Variants in ZAN observed in about 807,000 individuals in gnomAD.
The protein encoded by ZAN is zonadhesin (gene/pseudogene).
In ZAN, 260 loss-of-function variants were observed where a neutral mutation model predicts 286.2. That is an observed-to-expected ratio of 0.91 (90% CI 0.82 to 1.01). The LOEUF (loss-of-function observed/expected upper bound fraction) is 1.01. Among genes scored for constraint, ZAN ranks in the 50% least tolerant of loss-of-function variants. The pLI, the probability that ZAN is intolerant of heterozygous loss-of-function variation, is 0.00. For synonymous variants in ZAN, 1,368 were observed against 1,417.5 expected (o/e 0.97, Z 0.79); for missense variants, 3,410 against 3,639.2 (o/e 0.94, Z 1.62).
intron 28 of ZAN, among the ~76,000 whole-genome samples, chr7:100,771,518 G>A (rs1355892271): frequency 6.7e-6 from 1 of 149,400 alleles, no homozygotes; most frequent in African/African-American, 2.5e-5. Context: ...TGCCACCTTT[G>A]CCTCCTGGGT....
intron 41 of ZAN, 90 bp downstream of exon 41, chr7:100,792,238 T>C: frequency 6.7e-7 from 1 of 1,497,056 alleles, no homozygotes; most frequent in Non-Finnish European, 8.9e-7. Context: ...TGACCCAAGC[T>C]CTGTGTGGTT....
chr7:100,787,746 G>C, intron 37 of ZAN, 143 bp from the exon 38 acceptor site: 1 of 877,804 alleles, frequency 1.1e-6, no homozygotes, highest in Admixed American at 4.0e-5. Flanking sequence ...ATTTTTAGTA[G>C]AGACAGGGTT....
At chr7:100,754,474 A>AAAAT (rs943277829) in intron 14 of ZAN, among the ~76,000 whole-genome samples, 10 of 151,976 alleles carry the variant, frequency 6.6e-5, no homozygotes, top group East Asian at 1.9e-4. Context: ...ATTAAAAATA[A>AAAAT]AAATAAATAA....
rs930901556 is a variant in ZAN at position 100,734,694 on chromosome 7, C to G, written c.53+473C>G. ...TGGGATGGAAATGGGTTGACCTTGA[C>G]TGCTGAACAGGAATTAAGGGGCGGG... On this transcript the variant is annotated intron_variant, in intron 2 of 47. Transcript: ENST00000613979. Among the ~76,000 whole-genome samples the G allele has an allele frequency of 6.2e-4, 86 of 139,428 alleles. 15 individuals carry two copies. The highest frequency in any genetic ancestry group is 2.2e-3 in the African/African-American group (84 of 38,212). The allele number at this position is 139,428 out of a possible 152,430, so 91.5% of individuals were successfully genotyped here.
At chr7:100,766,835 A>G (rs1810007814) in intron 24 of ZAN, among the ~76,000 whole-genome samples, 169 bp downstream of exon 24, 2 of 152,198 alleles carry the variant, frequency 1.3e-5, no homozygotes, top group African/African-American at 4.8e-5. Context: ...TGGGGACGTC[A>G]GTGTTTCTCT....
At chr7:100,792,548 A>G (rs757310124) in intron 42 of ZAN, 69 bp downstream of exon 42, 2 of 1,602,414 alleles carry the variant, frequency 1.2e-6, no homozygotes, top group Non-Finnish European at 1.7e-6. Context: ...CTCTGCGGTG[A>G]GGTGTTGCCC....
rs183149213 is a variant in ZAN, at chr7:100,736,548, G to A, written c.172G>A (p.Ala58Thr). The A allele has an allele frequency of 4.6e-6, 7 of 1,523,582 alleles. No individual in the cohort carries two copies. The highest frequency in any genetic ancestry group is 4.6e-5 in the East Asian group (2 of 43,900). The allele number at this position is 1,523,582 out of a possible 1,614,324, so 94.4% of individuals were successfully genotyped here. A position where few individuals can be genotyped will look rare whatever the true frequency, so the allele number is the denominator to read the frequency against. Residue 58 changes from alanine (A) to threonine (T), a missense_variant, in exon 4 of 48, where the codon GCA becomes ACA. Transcript: ENST00000613979. ...KPLCDWSQVS[A>T]DDEDWVRASG... ...CCTCTGTGACTGGTCCCAAGTGTCC[G>A]CAGACGATGAAGACTGGGTTCGAGC...
intron 11 of ZAN, among the ~76,000 whole-genome samples, chr7:100,749,639 C>CA (rs762868522): frequency 0.051 from 3,372 of 66,606 alleles, 186 homozygotes; most frequent in African/African-American, 0.12. Flanking sequence ...GACTCCGTCT[C>CA]AAAAAAAAAA....
At chr7:100,766,910 G>C in intron 24 of ZAN, 100 bp from the exon 25 acceptor site, 1 of 1,555,394 alleles carries the variant, frequency 6.4e-7, no homozygotes, top group Non-Finnish European at 8.7e-7. Context: ...GGTGGGCCGT[G>C]GGGACCATGC....
Position 100,791,088 on chromosome 7 carries a change from G to C in ZAN, c.7504G>C (p.Glu2502Gln). 6.2e-7 allele frequency: 1 copy of C among 1,612,590 alleles called. No individual in the cohort carries two copies. Among genetic ancestry groups the C allele is most frequent in the Non-Finnish European group, 8.5e-7 (1 of 1,179,582 alleles). The change falls in exon 40 of 48, where the codon GAG (glutamate) becomes CAG (glutamine). Residue 2502 changes from glutamate to glutamine, a missense_variant. By Grantham distance (29) the Glu-to-Gln change is conservative. Coordinates refer to ENST00000613979, the MANE Select transcript of ZAN (RefSeq NM_003386.3). ...TFGNSWEVKT[E>Q]DALLRFPRAI... is the part of the protein sequence containing the mutation. Reference sequence around the variant, plus strand: ...TGGCAACAGCTGGGAGGTGAAGACCGAGGACGCACTCCTGCGCTTCCCCAG... The same window carrying C: ...TGGCAACAGCTGGGAGGTGAAGACCCAGGACGCACTCCTGCGCTTCCCCAG...
At chr7:100,768,805 T>TGTCCCCACTCCCTCTGTGC (rs1810191370) in intron 27 of ZAN, 84 bp downstream of exon 27, 3 of 1,124,992 alleles carry the variant, frequency 2.7e-6, no homozygotes, top group Non-Finnish European at 2.5e-6. Flanking sequence ...GTCCTCTGTG[T>TGTCCCCACTCCCTCTGTGC]GTCCCCACTC....
chr7:100,747,600 C>T lies in ZAN; in HGVS notation c.982C>T (p.Gln328Ter), dbSNP rs888737807. 40 of 1,613,804 alleles carry T rather than the reference C, an allele frequency of 2.5e-5. No homozygotes were observed. The highest frequency in any genetic ancestry group is 2.9e-5 in the Non-Finnish European group (34 of 1,179,828). ...CTCAGGACAACCTGGGCCCAACTGG[C>T]AGGCTGTTTCTGTCAATTACACAGC... ...LFSGQPGPNW[Q>*]AVSVNYTAVG... Residue 328 changes from glutamine to a stop codon, truncating the protein, a stop_gained, in exon 9 of 48, where the codon CAG (glutamine) becomes TAG (stop). Transcript: ENST00000613979. LOFTEE classifies it high-confidence loss of function.
In ZAN at chr7:100,737,457, A is replaced by C. The variant is rs1469126971; in HGVS notation, c.613+108A>C. 2 of 806,944 alleles carry C rather than the reference A, an allele frequency of 2.5e-6. 1 individual carries two copies. The highest frequency in any genetic ancestry group is 3.7e-6 in the Non-Finnish European group (2 of 534,568). The allele number at this position is 806,944 out of a possible 1,614,324, so 50.0% of individuals were successfully genotyped here. On this transcript the variant is annotated intron_variant, in intron 6 of 47. Coordinates refer to ENST00000613979, the MANE Select transcript of ZAN (RefSeq NM_003386.3). ...CGCGGTGGCTCATGCCTGTAATCCC[A>C]GCACTTTGGGAGGCCGAGGCGGGCG...
Position 100,752,033 on chromosome 7 carries a change from C to T in ZAN, c.1928C>T (p.Pro643Leu). Residue 643 changes from proline (P) to leucine (L), a missense_variant, in exon 14 of 48, where the codon CCC becomes CTC. Physicochemically the swap from Pro to Leu is moderately conservative, Grantham distance 98. Coordinates refer to ENST00000613979, the MANE Select transcript of ZAN (RefSeq NM_003386.3). ...ATTCCCTCAGAAAAACCCACCATTCCCTCAGAAAAACCCACCATTTCCACA... is the reference window on the plus strand; with the variant it reads ...ATTCCCTCAGAAAAACCCACCATTCTCTCAGAAAAACCCACCATTTCCACA... ...PTIPSEKPTIPSEKPTISTEK... is the reference protein window; with the variant it reads ...PTIPSEKPTILSEKPTISTEK... 6.2e-7 allele frequency: 1 copy of T among 1,613,334 alleles called. No homozygotes were observed.
At chr7:100,758,489 A>C (rs777740343) in intron 16 of ZAN, 42 bp from the exon 17 acceptor site, 1 of 1,553,808 alleles carries the variant, frequency 6.4e-7, no homozygotes, top group South Asian at 1.2e-5. Context: ...AGCCTGGAGG[A>C]GCCACAGAAG....
At position 100,792,076 on chromosome 7, in the gene ZAN, G is replaced by A. The variant is rs376149242; in HGVS notation, c.7640G>A (p.Cys2547Tyr). Reference sequence around the variant, plus strand: ...CTGGCGAGCAACAGCACCCAGGCCTGTAGGGTGCTGGCAGACCCCCAGGGC... The same window carrying A: ...CTGGCGAGCAACAGCACCCAGGCCTATAGGGTGCTGGCAGACCCCCAGGGC... ...EQLASNSTQA[C>Y]RVLADPQGPF... Residue 2547 changes from cysteine to tyrosine, a missense_variant, in exon 41 of 48, where the codon TGT becomes TAT. Cys to Tyr is a radical substitution (Grantham distance 194). Transcript: ENST00000613979. 1.9e-6 allele frequency: 3 copies of A among 1,613,108 alleles called. No individual in the cohort carries two copies. The highest frequency in any genetic ancestry group is 1.8e-4 in the Middle Eastern group (1 of 5,648).
At chr7:100,765,224 G>A (rs1809870411) in intron 22 of ZAN, 128 bp from the exon 23 acceptor site, 2 of 1,104,462 alleles carry the variant, frequency 1.8e-6, no homozygotes, top group Non-Finnish European at 2.6e-6. Flanking sequence ...GCTTCTCACA[G>A]TCACTCTCTC....
At chr7:100,741,146 G>T (rs1382033528) in intron 7 of ZAN, among the ~76,000 whole-genome samples, 2 of 51,340 alleles carry the variant, frequency 3.9e-5, no homozygotes, top group African/African-American at 1.2e-4. Context: ...GCGGCTGGCC[G>T]GGCGGGGGGC....
At chr7:100,733,920 T>A in intron 1 of ZAN, 107 bp from the exon 2 acceptor site, 1 of 346,676 alleles carries the variant, frequency 2.9e-6, no homozygotes, top group Admixed American at 4.7e-5. Context: ...TCCTTTTTGT[T>A]TCTTTCTCTT....
Sources: allele counts gnomAD v4.1 joint callset (sites outside exome capture counted in the v4.1 genomes callset), GRCh38; gene constraint gnomAD v4.1.1; transcripts MANE v1.5; gene names NCBI Gene and HGNC (gene_info 2026-07-23, HGNC 2026-07-21).